Variants in NELL2 observed in about 807,000 individuals in gnomAD.
NELL2 encodes neural EGFL like 2.
NELL2 carries 41 observed loss-of-function variants against 109.6 expected under a neutral mutation model. The observed-to-expected ratio is 0.37, with a 90% CI of 0.29 to 0.49. The LOEUF (loss-of-function observed/expected upper bound fraction) is 0.49. Among genes scored for constraint, NELL2 ranks in the 20% least tolerant of loss-of-function variants. The probability of loss-of-function intolerance (pLI) is 0.98; values close to 1 mark genes in which losing one functional copy is unlikely to be tolerated. For synonymous variants in NELL2, 355 were observed against 344.7 expected (o/e 1.03, Z -0.33); for missense variants, 900 against 1,008.3 (o/e 0.89, Z 1.45).
At chr12:44,724,391 T>C (rs531080101) in intron 9 of NELL2, among the ~76,000 whole-genome samples, 117 of 151,938 alleles carry the variant, frequency 7.7e-4, no homozygotes, top group Non-Finnish European at 1.6e-3. Context: ...CTTTAATCTA[T>C]AATAAAAGTT....
intron 15 of NELL2, among the ~76,000 whole-genome samples, chr12:44,560,684 A>G (rs1943439617): frequency 6.6e-6 from 1 of 152,216 alleles, no homozygotes; most frequent in African/African-American, 2.4e-5. Context: ...TGACGTAGTA[A>G]TTAATAGCCT....
intron 2 of NELL2, among the ~76,000 whole-genome samples, chr12:44,855,860 C>T (rs1944668393): frequency 6.6e-6 from 1 of 152,146 alleles, no homozygotes; most frequent in Non-Finnish European, 1.5e-5. Context: ...TGGAGTTATT[C>T]AAAGTTAAAC....
At chr12:44,766,446 T>C (rs1032571974) in intron 9 of NELL2, among the ~76,000 whole-genome samples, 1 of 152,208 alleles carries the variant, frequency 6.6e-6, no homozygotes, top group African/African-American at 2.4e-5. Flanking sequence ...ATTGCCAAAA[T>C]CAACTTCTAA....
At chr12:44,577,767 T>C (rs1026527815) in intron 15 of NELL2, among the ~76,000 whole-genome samples, 1 of 152,256 alleles carries the variant, frequency 6.6e-6, no homozygotes, top group South Asian at 2.1e-4. Flanking sequence ...CATGAGTCAC[T>C]GCACCTGGCC....
chr12:44,765,348 C>A (rs376426542), intron 9 of NELL2, among the ~76,000 whole-genome samples: 1 of 151,872 alleles, frequency 6.6e-6, no homozygotes, highest in Non-Finnish European at 1.5e-5. Flanking sequence ...TGAAAGCAGC[C>A]GAGAATTTTT....
chr12:44,570,855 G>T (rs970340350), intron 15 of NELL2, among the ~76,000 whole-genome samples: 4 of 152,142 alleles, frequency 2.6e-5, no homozygotes, highest in Admixed American at 2.0e-4. Flanking sequence ...GTGGTCTGAA[G>T]AATTGAACAG....
chr12:44,586,647 C>G (rs1944517182), intron 15 of NELL2, among the ~76,000 whole-genome samples: 2 of 152,126 alleles, frequency 1.3e-5, no homozygotes, highest in Non-Finnish European at 2.9e-5. Flanking sequence ...AATTTCCTCT[C>G]TTATAAAACA....
intron 1 of NELL2, among the ~76,000 whole-genome samples, chr12:44,910,405 CA>C (rs1214664443): frequency 6.6e-6 from 1 of 151,964 alleles, no homozygotes; most frequent in Non-Finnish European, 1.5e-5. Flanking sequence ...ATCAAAACCA[CA>C]ATGAGATACC....
intron 16 of NELL2, among the ~76,000 whole-genome samples, chr12:44,527,876 G>A (rs1180154954): frequency 6.6e-6 from 1 of 151,814 alleles, no homozygotes; most frequent in African/African-American, 2.4e-5. Context: ...GACGGATCAC[G>A]AGGTCAGGAG....
chr12:44,599,719 C>A (rs1838961864), intron 15 of NELL2, among the ~76,000 whole-genome samples: 1 of 152,064 alleles, frequency 6.6e-6, no homozygotes, highest in Non-Finnish European at 1.5e-5. Flanking sequence ...CAGATTCAGT[C>A]GTCTAAAGGA....
At chr12:44,581,111 T>C (rs1369419672) in intron 15 of NELL2, among the ~76,000 whole-genome samples, 3 of 152,168 alleles carry the variant, frequency 2.0e-5, no homozygotes, top group East Asian at 3.9e-4. Flanking sequence ...GATTTCCACA[T>C]GCATATAATT....
intron 1 of NELL2, among the ~76,000 whole-genome samples, chr12:44,886,590 A>C (rs1205127455): frequency 2.0e-5 from 3 of 152,016 alleles, no homozygotes. Context: ...ACACTCATAT[A>C]ATTTGTAAAG....
intron 13 of NELL2, among the ~76,000 whole-genome samples, chr12:44,654,598 T>C (rs1394615182): frequency 2.0e-5 from 3 of 152,204 alleles, no homozygotes; most frequent in Non-Finnish European, 2.9e-5. Flanking sequence ...ACCAGATTCC[T>C]GACCCACAGA....
intron 3 of NELL2, among the ~76,000 whole-genome samples, chr12:44,812,149 G>A (rs185618970): frequency 2.0e-4 from 31 of 152,244 alleles, no homozygotes; most frequent in African/African-American, 7.5e-4. Flanking sequence ...CATGCAATGT[G>A]GTGTGAAGGA....
intron 9 of NELL2, 98 bp from the exon 10 acceptor site, chr12:44,714,839 T>A: frequency 1.6e-6 from 1 of 641,130 alleles, no homozygotes; most frequent in Non-Finnish European, 2.5e-6. Context: ...GTTATACACC[T>A]TTTTTCAACA....
intron 3 of NELL2, among the ~76,000 whole-genome samples, chr12:44,787,325 C>T (rs2077808801): frequency 6.6e-6 from 1 of 151,900 alleles, no homozygotes. Flanking sequence ...AGACTCAATA[C>T]AGTAAAGAAG....
chr12:44,692,500 C>G (rs2136397993), intron 12 of NELL2, among the ~76,000 whole-genome samples: 1 of 152,222 alleles, frequency 6.6e-6, no homozygotes, highest in East Asian at 1.9e-4. Context: ...TTTAGACTTT[C>G]TAGTCTTATT....
intron 3 of NELL2, among the ~76,000 whole-genome samples, chr12:44,781,572 AC>A (rs1194246894): frequency 6.6e-6 from 1 of 152,102 alleles, no homozygotes; most frequent in African/African-American, 2.4e-5. Context: ...TAAACTCAAA[AC>A]AATTTTCAAC....
chr12:44,773,822 T>C (rs554115124), intron 9 of NELL2, among the ~76,000 whole-genome samples: 1 of 152,296 alleles, frequency 6.6e-6, no homozygotes, highest in East Asian at 1.9e-4. Flanking sequence ...GGGAATTAAA[T>C]CAACGGACTA....
Sources: allele counts gnomAD v4.1 joint callset (sites outside exome capture counted in the v4.1 genomes callset), GRCh38; gene constraint gnomAD v4.1.1; transcripts MANE v1.5; gene names NCBI Gene and HGNC (gene_info 2026-07-23, HGNC 2026-07-21).